The following MARCHF6 variants were observed in gnomAD, a reference collection of about 807,000 sequenced individuals.
MARCHF6 encodes the protein E3 ubiquitin-protein ligase MARCHF6.
MARCHF6 carries 31 observed loss-of-function variants against 133.7 expected under a neutral mutation model. The observed-to-expected ratio is 0.23, with a 90% CI of 0.17 to 0.31. The LOEUF (loss-of-function observed/expected upper bound fraction) is 0.31, where lower values mean the gene tolerates loss of function less well. Among genes scored for constraint, MARCHF6 ranks in the 10% least tolerant of loss-of-function variants. The pLI is 1.00. For synonymous variants in MARCHF6, 395 were observed against 402.5 expected (o/e 0.98, Z 0.22); for missense variants, 723 against 1,121.6 (o/e 0.64, Z 5.08).
intron 9 of MARCHF6, among the ~76,000 whole-genome samples, 200 bp from the exon 10 acceptor site, chr5:10,397,093 A>G (rs528862487): frequency 6.6e-6 from 1 of 152,252 alleles, no homozygotes; most frequent in Admixed American, 6.6e-5. Context: ...TTTGAGTTTT[A>G]TTAGGCTTAG....
intron 14 of MARCHF6, among the ~76,000 whole-genome samples, chr5:10,402,861 G>A (rs975348353): frequency 6.6e-6 from 1 of 152,074 alleles, no homozygotes; most frequent in African/African-American, 2.4e-5. Flanking sequence ...TGCCCATTTT[G>A]CTGTCGTAAA....
chr5:10,423,767 C>A lies in MARCHF6; in HGVS notation c.2316C>A (p.Ile772=). Residue 772 remains isoleucine (I), a synonymous_variant, in exon 23 of 26, where the codon ATC becomes ATA. Transcript: ENST00000274140. The part of the protein sequence containing the change: ...DWALGVLHAK[I]IAAITLMGPQ... The stretch of plus-strand genomic sequence containing the variant: ...CACTTGGAGTCCTGCATGCCAAAAT[C>A]ATTGCAGCTATAACATTGATGGGTC... 6.2e-7 allele frequency: 1 copy of A among 1,613,630 alleles called. No individual in the cohort carries two copies. Among genetic ancestry groups the A allele is most frequent in the Non-Finnish European group, 8.5e-7 (1 of 1,179,734 alleles).
At chr5:10,365,769 G>A (rs915734674) in intron 1 of MARCHF6, among the ~76,000 whole-genome samples, 1 of 152,098 alleles carries the variant, frequency 6.6e-6, no homozygotes, top group African/African-American at 2.4e-5. Context: ...ACTTGGGGAC[G>A]AGAAAGGAAG....
chr5:10,356,338 TTTTTATTTA>T (rs1735457264), intron 1 of MARCHF6, among the ~76,000 whole-genome samples: 1 of 145,622 alleles, frequency 6.9e-6, no homozygotes, highest in Non-Finnish European at 1.5e-5. Flanking sequence ...GTGGTTCTGT[TTTTTATTTA>T]TTTTATTTTA....
intron 1 of MARCHF6, among the ~76,000 whole-genome samples, chr5:10,377,384 A>G (rs942249672): frequency 2.0e-5 from 3 of 150,086 alleles, no homozygotes; most frequent in Non-Finnish European, 4.5e-5. Flanking sequence ...GAGTCCTCAC[A>G]TGTGTTTTGT....
chr5:10,364,848 G>C (rs1736039088), intron 1 of MARCHF6, among the ~76,000 whole-genome samples: 1 of 152,218 alleles, frequency 6.6e-6, no homozygotes, highest in African/African-American at 2.4e-5. Flanking sequence ...TTGTCGCCCA[G>C]GCTGGAGTGC....
chr5:10,421,254 CAA>C (rs568600916), intron 22 of MARCHF6, among the ~76,000 whole-genome samples: 129 of 151,902 alleles, frequency 8.5e-4, no homozygotes, highest in Admixed American at 3.1e-3. Flanking sequence ...TTTTTTATAG[CAA>C]AAAATGAGAA....
At chr5:10,381,756 T>C (rs1300210263) in intron 3 of MARCHF6, 44 bp from the exon 4 acceptor site, 1 of 1,467,010 alleles carries the variant, frequency 6.8e-7, no homozygotes, top group Admixed American at 2.4e-5. Flanking sequence ...TTAAGCTATT[T>C]TCGAATCTTC....
intron 1 of MARCHF6, among the ~76,000 whole-genome samples, chr5:10,374,940 T>TG (rs1156581613): frequency 4.6e-5 from 7 of 152,078 alleles, no homozygotes; most frequent in Non-Finnish European, 7.4e-5. Context: ...ATTCTGTGGG[T>TG]GGGGGTGCAT....
chr5:10,357,051 T>C (rs1348365046), intron 1 of MARCHF6, among the ~76,000 whole-genome samples: 1 of 152,160 alleles, frequency 6.6e-6, no homozygotes, highest in South Asian at 2.1e-4. Context: ...TGAGTGCAGA[T>C]GTGTTATGTC....
intron 17 of MARCHF6, among the ~76,000 whole-genome samples, chr5:10,409,489 G>T (rs188985321): frequency 2.4e-4 from 37 of 152,316 alleles, no homozygotes; most frequent in African/African-American, 7.2e-4. Flanking sequence ...GTAGTAGGAG[G>T]AGGAAGGCAA....
intron 5 of MARCHF6, 143 bp downstream of exon 5, chr5:10,387,209 G>T: frequency 1.9e-6 from 1 of 514,898 alleles, no homozygotes. Context: ...AGTTATAGCT[G>T]CAGTAGAAGT....
chr5:10,390,624 G>T, intron 6 of MARCHF6, 124 bp downstream of exon 6: 1 of 958,616 alleles, frequency 1.0e-6, no homozygotes, highest in Non-Finnish European at 1.5e-6. Flanking sequence ...TACAAAGGAG[G>T]GCAGCGGAAA....
chr5:10,407,068 TTATAGTGGTGTCA>T, intron 16 of MARCHF6, 21 bp from the exon 17 acceptor site: 2 of 1,212,576 alleles, frequency 1.6e-6, no homozygotes, highest in Non-Finnish European at 2.4e-6. Context: ...TGATTGACTC[TTATAGTGGTGTCA>T]TACCCTGTTT....
At chr5:10,416,673 A>G (rs534394024) in intron 21 of MARCHF6, among the ~76,000 whole-genome samples, 1 of 148,542 alleles carries the variant, frequency 6.7e-6, no homozygotes. Context: ...ACTTTAAATC[A>G]TTTTTTTTTT....
At chr5:10,357,353 G>GTTT (rs56199979) in intron 1 of MARCHF6, among the ~76,000 whole-genome samples, 11 of 146,990 alleles carry the variant, frequency 7.5e-5, no homozygotes, top group African/African-American at 1.2e-4. Context: ...TAAAGCTGAG[G>GTTT]TTTTTTTTTT....
At chr5:10,369,655 C>T (rs1175779791) in intron 1 of MARCHF6, among the ~76,000 whole-genome samples, 1 of 122,992 alleles carries the variant, frequency 8.1e-6, no homozygotes, top group African/African-American at 3.0e-5. Flanking sequence ...CAACTTTGTC[C>T]CCCATTTCCA....
intron 1 of MARCHF6, among the ~76,000 whole-genome samples, chr5:10,358,256 G>GTATAATATGTATACTC (rs1735602086): frequency 6.6e-6 from 1 of 152,154 alleles, no homozygotes; most frequent in African/African-American, 2.4e-5. Flanking sequence ...AGTTGGAGAA[G>GTATAATATGTATACTC]AGTAAGTATA....
intron 19 of MARCHF6, among the ~76,000 whole-genome samples, chr5:10,412,722 C>G (rs759211022): frequency 1.2e-4 from 19 of 152,102 alleles, no homozygotes; most frequent in Admixed American, 1.2e-3. Context: ...ACCATGGGTG[C>G]ATGCCACTAC....
Sources: allele counts gnomAD v4.1 joint callset (sites outside exome capture counted in the v4.1 genomes callset), GRCh38; gene constraint gnomAD v4.1.1; transcripts MANE v1.5; gene names NCBI Gene and HGNC (gene_info 2026-07-23, HGNC 2026-07-21).